Variants in HERC3 observed in about 807,000 individuals in gnomAD.
The protein encoded by HERC3 is HECT and RLD domain containing E3 ubiquitin protein ligase 3.
Under a neutral mutation model 129.9 loss-of-function variants are expected in HERC3, and 58 were observed. The ratio of observed to expected loss-of-function variants is 0.45; its 90% CI spans 0.36 to 0.56. The LOEUF (loss-of-function observed/expected upper bound fraction) is 0.56, where lower values mean the gene tolerates loss of function less well. Ranked by LOEUF, HERC3 falls within the 20% of genes least tolerant of loss-of-function variation. The pLI is 0.00. For missense variants in HERC3, 835 were observed against 1,244.2 expected (o/e 0.67, Z 4.95); for synonymous variants, 430 against 451.0 (o/e 0.95, Z 0.59).
Position 88,700,700 on chromosome 4 carries a change from G to T in HERC3, c.2658-3398G>T, listed in dbSNP as rs111734115. On this transcript the variant is annotated intron_variant, in intron 23 of 25. Transcript: ENST00000402738. The stretch of plus-strand genomic sequence containing the variant: ...CAGAACCAACAGGGTGTGAAGCCGA[G>T]GGGGGTGGGGGCAAGGAGGGATTTA... Among the ~76,000 whole-genome samples, 779 of 152,062 alleles carry T rather than the reference G, an allele frequency of 5.1e-3. 5 individuals are homozygous for T. Among genetic ancestry groups the T allele is most frequent in the African/African-American group, 0.018 (752 of 41,466 alleles).
At chr4:88,571,708 T>C in the HERC3 span, among the ~76,000 whole-genome samples, 1 of 152,342 alleles carries the variant, frequency 6.6e-6, no homozygotes, top group East Asian at 1.9e-4. Context: ...TCCTTACCAA[T>C]TGCCATTTGG....
chr4:88,672,182 T>G (rs1022759214), intron 16 of HERC3, among the ~76,000 whole-genome samples: 1 of 152,214 alleles, frequency 6.6e-6, no homozygotes, highest in Non-Finnish European at 1.5e-5. Flanking sequence ...AAATTGTAAT[T>G]CTTTTTTACT....
chr4:88,629,752 T>C (rs1726533163), intron 3 of HERC3, among the ~76,000 whole-genome samples: 1 of 152,220 alleles, frequency 6.6e-6, no homozygotes, highest in African/African-American at 2.4e-5. Flanking sequence ...AATAAACTTA[T>C]CTCTATATCT....
At chr4:88,641,405 T>C (rs1188148443) in intron 3 of HERC3, among the ~76,000 whole-genome samples, 2 of 152,058 alleles carry the variant, frequency 1.3e-5, no homozygotes, top group Admixed American at 1.3e-4. Context: ...ATGAGAAAAA[T>C]ATTAAGAGCA....
intron 3 of HERC3, among the ~76,000 whole-genome samples, chr4:88,640,189 A>G (rs1284747202): frequency 6.6e-6 from 1 of 152,234 alleles, no homozygotes; most frequent in Non-Finnish European, 1.5e-5. Context: ...ATCTAGAACC[A>G]GAAATACCAT....
the HERC3 span, among the ~76,000 whole-genome samples, chr4:88,579,662 A>G: frequency 6.6e-6 from 1 of 152,210 alleles, no homozygotes; most frequent in African/African-American, 2.4e-5. Flanking sequence ...GTGATATTAT[A>G]GAGTACAGTG....
At chr4:88,531,698 A>G in the HERC3 span, among the ~76,000 whole-genome samples, 3 of 152,326 alleles carry the variant, frequency 2.0e-5, no homozygotes, top group South Asian at 6.2e-4. Flanking sequence ...GCTATGAAAT[A>G]GACTCTGCCA....
In HERC3 at chr4:88,667,488, G is replaced by T; in HGVS notation, c.1443G>T (p.Gln481His). 2 of 1,512,134 alleles carry T rather than the reference G, an allele frequency of 1.3e-6. No homozygotes were observed. Among genetic ancestry groups the T allele is most frequent in the South Asian group, 1.2e-5 (1 of 83,844 alleles). 93.7% of individuals were successfully genotyped at this position (1,512,134 alleles called of 1,614,324 possible). A position where few individuals can be genotyped will look rare whatever the true frequency, so the allele number is the denominator to read the frequency against. The stretch of plus-strand genomic sequence containing the variant: ...CTCAGCACTCCATGATTCTAGAACA[G>T]GTATGTTTCTATATTTGTAAAGTGC... ...MNSQHSMILE[Q>H]ILNSFESCLI... is the part of the protein sequence containing the mutation. Residue 481 changes from glutamine (Q) to histidine (H), a missense_variant and splice_region_variant, in exon 13 of 26, where the codon CAG becomes CAT. Transcript: ENST00000402738.
chr4:88,593,851 G>A lies in HERC3; in HGVS notation c.-88+1277G>A, dbSNP rs563951124. ...ATCATGTTTTAGTCGGCAGATTACT[G>A]TGAAGCTCTCTCCTTTTGTACTTTC... On this transcript the variant is annotated intron_variant, in intron 1 of 25. Coordinates refer to ENST00000402738, the MANE Select transcript of HERC3 (RefSeq NM_014606.3). Among the ~76,000 whole-genome samples, 6 of 152,372 alleles carry A rather than the reference G, an allele frequency of 3.9e-5. No homozygotes were observed. In the South Asian group the frequency reaches 1.2e-3, roughly 32 times the overall value.
chr4:88,645,783 T>A (rs1001109090), intron 3 of HERC3, among the ~76,000 whole-genome samples: 3 of 152,142 alleles, frequency 2.0e-5, no homozygotes, highest in Admixed American at 2.0e-4. Flanking sequence ...TCTGGAAATT[T>A]CCACTTAATA....
intron 23 of HERC3, among the ~76,000 whole-genome samples, chr4:88,695,072 T>A (rs1734461792): frequency 1.3e-5 from 2 of 152,204 alleles, no homozygotes; most frequent in African/African-American, 2.4e-5. Flanking sequence ...TGATAGTCTC[T>A]CTCATTCCTG....
At chr4:88,581,930 G>T in the HERC3 span, among the ~76,000 whole-genome samples, 2 of 152,024 alleles carry the variant, frequency 1.3e-5, no homozygotes, top group Non-Finnish European at 2.9e-5. Flanking sequence ...ACATAAAAAA[G>T]GTAGCTTCTA....
intron 21 of HERC3, among the ~76,000 whole-genome samples, chr4:88,682,394 C>T (rs1377790815): frequency 6.6e-6 from 1 of 151,988 alleles, no homozygotes; most frequent in Non-Finnish European, 1.5e-5. Flanking sequence ...CATATGTATA[C>T]ATGTGCCATG....
intron 3 of HERC3, among the ~76,000 whole-genome samples, chr4:88,633,751 C>A (rs975760723): frequency 2.0e-5 from 3 of 152,082 alleles, no homozygotes; most frequent in African/African-American, 7.2e-5. Context: ...AAAACCCCAG[C>A]AAATTACTGT....
At chr4:88,587,810 G>A (rs1441807081), upstream of HERC3, among the ~76,000 whole-genome samples, 4 of 152,234 alleles carry the variant, frequency 2.6e-5, no homozygotes, top group East Asian at 5.8e-4. Flanking sequence ...TTACATGCAT[G>A]TATTCTGTGC....
In HERC3 at chr4:88,685,187, G is replaced by A. The variant is rs112780680; in HGVS notation, c.2508-1549G>A. Among the ~76,000 whole-genome samples, 943 of 152,292 alleles carry A rather than the reference G, an allele frequency of 6.2e-3. 1 individual carries two copies. Among genetic ancestry groups the A allele is most frequent in the Non-Finnish European group, 9.4e-3 (639 of 68,024 alleles). ...CAACCATTGTGGAAGACAGTGTGGC[G>A]ATTCCACAGGGATCTAGAACCAGAA... On this transcript the variant is annotated intron_variant, in intron 21 of 25. Transcript: ENST00000402738.
chr4:88,653,805 A>C (rs1729550095), intron 6 of HERC3, among the ~76,000 whole-genome samples: 1 of 152,140 alleles, frequency 6.6e-6, no homozygotes, highest in South Asian at 2.1e-4. Flanking sequence ...AATGGGGAAA[A>C]CCGTGTGTAG....
At chr4:88,615,563 A>G (rs1724813054) in intron 3 of HERC3, among the ~76,000 whole-genome samples, 1 of 152,182 alleles carries the variant, frequency 6.6e-6, no homozygotes, top group Non-Finnish European at 1.5e-5. Flanking sequence ...AGTATTAGCT[A>G]ATTATGGAGG....
chr4:88,602,415 AAAAAAAAAAAAGT>A (rs1201717040), intron 2 of HERC3, among the ~76,000 whole-genome samples: 2 of 151,330 alleles, frequency 1.3e-5, no homozygotes, highest in Admixed American at 6.6e-5. Context: ...AAAAAAAAAA[AAAAAAAAAAAAGT>A]ATGTTTGGAA....
Sources: allele counts gnomAD v4.1 joint callset (sites outside exome capture counted in the v4.1 genomes callset), GRCh38; gene constraint gnomAD v4.1.1; transcripts MANE v1.5; gene names NCBI Gene and HGNC (gene_info 2026-07-23, HGNC 2026-07-21).